KCNMB2: variants seen among roughly 807,000 people sequenced by gnomAD.
KCNMB2 encodes the protein calcium-activated potassium channel subunit beta-2.
In KCNMB2, 9 loss-of-function variants were observed where a neutral mutation model predicts 24.5. The observed-to-expected ratio is 0.37, with a 90% CI of 0.22 to 0.64. KCNMB2 has a LOEUF of 0.64. Ranked by LOEUF, KCNMB2 falls within the 30% of genes least tolerant of loss-of-function variation. The pLI, the probability that KCNMB2 is intolerant of heterozygous loss-of-function variation, is 0.63. For missense variants in KCNMB2, 226 were observed against 284.3 expected, an observed-to-expected ratio of 0.79 and a Z score of 1.47; for synonymous variants, 109 against 104.4, an observed-to-expected ratio of 1.04 and a Z score of -0.27.
At chr3:178,692,365 TTA>T (rs1721712618) in intron 1 of KCNMB2, among the ~76,000 whole-genome samples, 1 of 152,230 alleles carries the variant, frequency 6.6e-6, no homozygotes, top group Non-Finnish European at 1.5e-5. Context: ...TCAAGGAATT[TTA>T]TAGTTTTGGG....
intron 1 of KCNMB2, among the ~76,000 whole-genome samples, chr3:178,638,470 T>C (rs111258653): frequency 9.2e-5 from 14 of 152,290 alleles, no homozygotes; most frequent in African/African-American, 3.4e-4. Flanking sequence ...ACCAATAAAA[T>C]GCCACCTCTT....
At chr3:178,549,021 A>C (rs1175176428) in intron 1 of KCNMB2, among the ~76,000 whole-genome samples, 1 of 152,222 alleles carries the variant, frequency 6.6e-6, no homozygotes, top group Non-Finnish European at 1.5e-5. Context: ...AAGATAAGCA[A>C]TATGAAATGG....
At chr3:178,709,008 A>G (rs1722367123) in intron 1 of KCNMB2, among the ~76,000 whole-genome samples, 1 of 152,208 alleles carries the variant, frequency 6.6e-6, no homozygotes, top group African/African-American at 2.4e-5. Flanking sequence ...ATTTATAAGA[A>G]GCTTAACTCC....
Position 178,828,216 on chromosome 3 carries a change from C to G in KCNMB2, c.266C>G (p.Ala89Gly). ...GAGTCTCAATGCACCTTGCTGAATGCGTCCATCACGGAAACATTTAATTGC... is the reference window on the plus strand; with the variant it reads ...GAGTCTCAATGCACCTTGCTGAATGGGTCCATCACGGAAACATTTAATTGC... The part of the protein sequence containing the change: ...TEESQCTLLN[A>G]SITETFNCSF... Residue 89 changes from alanine (A) to glycine (G), a missense_variant, in exon 4 of 5, where the codon GCG (alanine) becomes GGG (glycine). Coordinates refer to ENST00000452583, the MANE Select transcript of KCNMB2 (RefSeq NM_181361.3). 1 of 1,613,940 alleles carries G rather than the reference C, an allele frequency of 6.2e-7. No homozygotes were observed. Among genetic ancestry groups the G allele is most frequent in the Non-Finnish European group, 8.5e-7 (1 of 1,179,862 alleles).
chr3:178,822,913 T>C (rs1251649545), intron 2 of KCNMB2, among the ~76,000 whole-genome samples: 1 of 152,244 alleles, frequency 6.6e-6, no homozygotes, highest in Non-Finnish European at 1.5e-5. Context: ...ATTGTGAGAT[T>C]ATGCTCCCTC....
At chr3:178,788,132 G>A (rs1184608211) in intron 1 of KCNMB2, among the ~76,000 whole-genome samples, 1 of 152,068 alleles carries the variant, frequency 6.6e-6, no homozygotes, top group Non-Finnish European at 1.5e-5. Flanking sequence ...TGGAGGAAAG[G>A]GTGGTTTCAA....
intron 1 of KCNMB2, among the ~76,000 whole-genome samples, chr3:178,696,765 C>T (rs559545330): frequency 6.6e-6 from 1 of 152,230 alleles, no homozygotes; most frequent in Admixed American, 6.5e-5. Flanking sequence ...TTAACATCAC[C>T]TTAGCTGTGT....
chr3:178,629,525 G>C (rs944555932), intron 1 of KCNMB2, among the ~76,000 whole-genome samples: 1 of 152,112 alleles, frequency 6.6e-6, no homozygotes, highest in Non-Finnish European at 1.5e-5. Context: ...GTTATAATCA[G>C]AGAGATTGAA....
At chr3:178,588,347 A>G (rs1284751933) in intron 1 of KCNMB2, among the ~76,000 whole-genome samples, 1 of 152,166 alleles carries the variant, frequency 6.6e-6, no homozygotes, top group Non-Finnish European at 1.5e-5. Flanking sequence ...AACTAGTGGG[A>G]GATTAACAAT....
intron 1 of KCNMB2, among the ~76,000 whole-genome samples, chr3:178,581,318 A>G (rs1577025937): frequency 6.6e-6 from 1 of 152,242 alleles, no homozygotes; most frequent in Non-Finnish European, 1.5e-5. Context: ...AGCCATATGC[A>G]GAAAACTGAA....
At chr3:178,677,476 G>A (rs565574189) in intron 1 of KCNMB2, among the ~76,000 whole-genome samples, 3 of 152,296 alleles carry the variant, frequency 2.0e-5, no homozygotes, top group African/African-American at 4.8e-5. Context: ...TCTCTTCATC[G>A]TCAGCCCTCT....
Position 178,759,214 on chromosome 3 carries a change from T to C in KCNMB2, c.-67-48129T>C, listed in dbSNP as rs1401791162. On this transcript the variant is annotated intron_variant, in intron 1 of 4. Transcript: ENST00000452583. The stretch of plus-strand genomic sequence containing the variant: ...CTCCAAGAGGGATATATATATATAA[T>C]ATATCTATCTCCAAGAGGAGATAGA... Among the ~76,000 whole-genome samples the C allele has an allele frequency of 3.3e-4, 38 of 116,630 alleles. 1 individual carries two copies. The South Asian group carries it at 9.6e-3, about 30-fold the overall frequency. The allele number at this position is 116,630 out of a possible 152,430, so 76.5% of individuals were successfully genotyped here.
At chr3:178,664,567 A>C (rs563890891) in intron 1 of KCNMB2, among the ~76,000 whole-genome samples, 1 of 152,206 alleles carries the variant, frequency 6.6e-6, no homozygotes, top group South Asian at 2.1e-4. Context: ...GCTCTGTAAA[A>C]TCTATAATTA....
chr3:178,654,704 G>C (rs932385548), intron 1 of KCNMB2, among the ~76,000 whole-genome samples: 3 of 152,136 alleles, frequency 2.0e-5, no homozygotes, highest in African/African-American at 7.2e-5. Flanking sequence ...TTTAAGTGTA[G>C]AGAGTTTTTG....
At chr3:178,560,660 T>A (rs932597173) in intron 1 of KCNMB2, among the ~76,000 whole-genome samples, 9 of 152,244 alleles carry the variant, frequency 5.9e-5, no homozygotes, top group African/African-American at 1.9e-4. Flanking sequence ...CACTGTTCTT[T>A]GATAGAGAGT....
At chr3:178,630,561 T>G (rs577099231) in intron 1 of KCNMB2, among the ~76,000 whole-genome samples, 1 of 152,352 alleles carries the variant, frequency 6.6e-6, no homozygotes, top group East Asian at 1.9e-4. Flanking sequence ...TACAAATTCT[T>G]TCTTGAAAAT....
At chr3:178,765,957 T>A (rs1173295925) in intron 1 of KCNMB2, among the ~76,000 whole-genome samples, 1 of 152,146 alleles carries the variant, frequency 6.6e-6, no homozygotes, top group African/African-American at 2.4e-5. Flanking sequence ...TCTACTTTCC[T>A]CTGTTCCTTT....
chr3:178,586,538 C>CTTTTTGTTTTTTTTTTTTTTTTTTTTT (rs1717439392), intron 1 of KCNMB2, among the ~76,000 whole-genome samples: 1 of 68,500 alleles, frequency 1.5e-5, no homozygotes, highest in Admixed American at 2.5e-4. Flanking sequence ...TTTTTTCTTT[C>CTTTTTGTTTTTTTTTTTTTTTTTTTTT]TTTTTTTTTT....
chr3:178,630,210 G>A lies in KCNMB2; in HGVS notation c.-68+93499G>A, dbSNP rs562522611. 1.4e-4 allele frequency among the ~76,000 whole-genome samples: 21 copies of A among 152,252 alleles called. No homozygotes were observed. The East Asian group carries it at 3.7e-3, about 27-fold the overall frequency. On this transcript the variant is annotated intron_variant, in intron 1 of 4. Coordinates refer to ENST00000452583, the MANE Select transcript of KCNMB2 (RefSeq NM_181361.3). Reference sequence around the variant, plus strand: ...CACCAAGACCATGACAAGAAAGATGGTATCAAAGGATGGCTTGCTTGGGCT... The same window carrying A: ...CACCAAGACCATGACAAGAAAGATGATATCAAAGGATGGCTTGCTTGGGCT...
Sources: gnomAD v4.1 joint callset for allele counts (sites outside exome capture counted in the v4.1 genomes callset) on GRCh38, gnomAD v4.1.1 for gene constraint, MANE v1.5 for transcripts, NCBI Gene and HGNC (gene_info 2026-07-23, HGNC 2026-07-21) for gene names.